Variants in EML1 observed in about 807,000 individuals in gnomAD.
EML1 encodes echinoderm microtubule-associated protein-like 1.
EML1 carries 27 observed loss-of-function variants against 110.4 expected under a neutral mutation model. That is an observed-to-expected ratio of 0.24 (90% CI 0.18 to 0.34). The LOEUF is 0.34. Among genes scored for constraint, EML1 ranks in the 10% least tolerant of loss-of-function variants. The pLI is 1.00. For synonymous variants in EML1, 344 were observed against 385.8 expected (o/e 0.89, Z 1.27); for missense variants, 741 against 1,030.9 (o/e 0.72, Z 3.85).
At chr14:99,779,383 C>CAA (rs2057515735) in intron 1 of EML1, among the ~76,000 whole-genome samples, 2 of 152,272 alleles carry the variant, frequency 1.3e-5, no homozygotes, top group South Asian at 4.1e-4. Flanking sequence ...TAACTTTGAC[C>CAA]TATGAGGATA....
intron 17 of EML1, among the ~76,000 whole-genome samples, chr14:99,929,121 C>T (rs2060320792): frequency 6.6e-6 from 1 of 152,196 alleles, no homozygotes; most frequent in Admixed American, 6.5e-5. Context: ...ACACTAATGA[C>T]CATTCCCTGG....
At chr14:99,755,740 T>G (rs2140179840) in intron 1 of EML1, among the ~76,000 whole-genome samples, 1 of 152,288 alleles carries the variant, frequency 6.6e-6, no homozygotes, top group South Asian at 2.1e-4. Context: ...GACTGCTGGC[T>G]CCATGCCAAC....
intron 1 of EML1, among the ~76,000 whole-genome samples, chr14:99,754,818 C>G (rs994472482): frequency 1.3e-5 from 2 of 152,152 alleles, no homozygotes; most frequent in Non-Finnish European, 2.9e-5. Flanking sequence ...AGAAACTTCT[C>G]CAGGTCATGC....
chr14:99,742,672 T>A (rs1721247866), intron 1 of EML1, among the ~76,000 whole-genome samples: 1 of 152,044 alleles, frequency 6.6e-6, no homozygotes, highest in South Asian at 2.1e-4. Flanking sequence ...CCTGGCAGTG[T>A]TTCAGGGCTC....
chr14:99,779,757 T>C (rs2140213423), intron 1 of EML1, among the ~76,000 whole-genome samples: 1 of 152,354 alleles, frequency 6.6e-6, no homozygotes, highest in South Asian at 2.1e-4. Flanking sequence ...TCATTCAGCA[T>C]CAGGCTATCA....
intron 6 of EML1, 90 bp downstream of exon 6, chr14:99,894,848 C>G (rs2059646559): frequency 4.2e-6 from 6 of 1,419,162 alleles, no homozygotes; most frequent in Middle Eastern, 1.9e-4. Context: ...AACTTAAGTC[C>G]TCTTAAGCTT....
chr14:99,796,771 G>A (rs1350567875), intron 1 of EML1, among the ~76,000 whole-genome samples: 1 of 151,720 alleles, frequency 6.6e-6, no homozygotes, highest in African/African-American at 2.4e-5. Flanking sequence ...TATTTTCTTC[G>A]AGGCCTCATT....
intron 3 of EML1, among the ~76,000 whole-genome samples, chr14:99,868,925 T>TA (rs1285465599): frequency 1.3e-5 from 2 of 152,212 alleles, no homozygotes; most frequent in Non-Finnish European, 2.9e-5. Flanking sequence ...GTCTTCTTTT[T>TA]ATGAAAACTT....
At chr14:99,822,875 G>A (rs1217429426) in intron 1 of EML1, among the ~76,000 whole-genome samples, 1 of 152,154 alleles carries the variant, frequency 6.6e-6, no homozygotes, top group Non-Finnish European at 1.5e-5. Flanking sequence ...TCCCGCTCAG[G>A]CTGCTGAAGC....
chr14:99,910,321 A>G lies in EML1; in HGVS notation c.1319A>G (p.Asn440Ser), dbSNP rs2059925917. ...ACCATTACTGGAGATTCAAGTGGCA[A>G]CATCTTAGTATGGGGAAAAGGTAAT... ...GDTITGDSSG[N>S]ILVWGKGTNR... The change falls in exon 12 of 22, where the codon AAC becomes AGC. Residue 440 changes from asparagine to serine, a missense_variant. Asn to Ser is a conservative substitution (Grantham distance 46). Coordinates refer to ENST00000262233, the MANE Select transcript of EML1 (RefSeq NM_004434.3). 4.3e-6 allele frequency: 7 copies of G among 1,613,346 alleles called. No homozygotes were observed. The East Asian group carries it at 1.3e-4, about 31-fold the overall frequency.
At chr14:99,788,374 G>T (rs2057623165) in intron 1 of EML1, among the ~76,000 whole-genome samples, 1 of 152,140 alleles carries the variant, frequency 6.6e-6, no homozygotes, top group Non-Finnish European at 1.5e-5. Context: ...AATGTTTCCA[G>T]CACAAATACT....
chr14:99,839,989 GT>G (rs1199398916), intron 1 of EML1, among the ~76,000 whole-genome samples: 1 of 152,040 alleles, frequency 6.6e-6, no homozygotes, highest in Non-Finnish European at 1.5e-5. Flanking sequence ...AGGCCCGCAA[GT>G]GGCAGAGCAA....
intron 1 of EML1, among the ~76,000 whole-genome samples, chr14:99,760,500 G>C (rs11622669): frequency 0.25 from 38,087 of 152,122 alleles, 5,178 homozygotes; most frequent in Non-Finnish European, 0.31. Context: ...TACTGTGCAG[G>C]GTGTTTAGAA....
At chr14:99,766,194 CT>C (rs34008528) in intron 1 of EML1, among the ~76,000 whole-genome samples, 7,294 of 129,786 alleles carry the variant, frequency 0.056, 448 homozygotes, top group African/African-American at 0.18. Flanking sequence ...TAAACTTTTA[CT>C]TTTTTTTTTT....
chr14:99,854,017 G>A (rs531327300), intron 2 of EML1, among the ~76,000 whole-genome samples: 1 of 152,320 alleles, frequency 6.6e-6, no homozygotes, highest in Admixed American at 6.5e-5. Context: ...CCCACAGTTA[G>A]TTTTTTAATG....
intron 17 of EML1, among the ~76,000 whole-genome samples, chr14:99,934,620 C>T (rs144378908): frequency 9.2e-5 from 14 of 152,348 alleles, no homozygotes; most frequent in African/African-American, 3.1e-4. Flanking sequence ...GAAAATGCGC[C>T]GCTTGCTGTG....
At chr14:99,902,024 A>G (rs570313790) in intron 9 of EML1, among the ~76,000 whole-genome samples, 3 of 152,318 alleles carry the variant, frequency 2.0e-5, no homozygotes, top group African/African-American at 7.2e-5. Flanking sequence ...AATAGGGATG[A>G]TGATATTCCT....
chr14:99,843,491 G>A (rs1327720876), intron 1 of EML1, among the ~76,000 whole-genome samples: 3 of 152,154 alleles, frequency 2.0e-5, no homozygotes, highest in African/African-American at 7.2e-5. Flanking sequence ...TATGCAAAAA[G>A]TATTCTAAGT....
chr14:99,909,551 G>A, intron 11 of EML1, 72 bp downstream of exon 11: 1 of 1,588,342 alleles, frequency 6.3e-7, no homozygotes, highest in Non-Finnish European at 8.6e-7. Context: ...TCTCTCTGGG[G>A]GCTCTGGTGA....
Sources: allele counts gnomAD v4.1 joint callset (sites outside exome capture counted in the v4.1 genomes callset), GRCh38; gene constraint gnomAD v4.1.1; transcripts MANE v1.5; gene names NCBI Gene and HGNC (gene_info 2026-07-23, HGNC 2026-07-21).